The following LAMC2 variants were observed in gnomAD, a reference collection of about 807,000 sequenced individuals.
LAMC2 encodes laminin subunit gamma 2.
LAMC2 carries 97 observed loss-of-function variants against 140.2 expected under a neutral mutation model. The observed-to-expected ratio is 0.69, with a 90% CI of 0.59 to 0.82. LAMC2 has a LOEUF of 0.82. Among genes scored for constraint, LAMC2 ranks in the 40% least tolerant of loss-of-function variants. The pLI is 0.00. For missense variants in LAMC2, 1,402 were observed against 1,476.1 expected (o/e 0.95, Z 0.82); for synonymous variants, 513 against 540.2 (o/e 0.95, Z 0.70).
In LAMC2 at chr1:183,239,637, T is replaced by C. The variant is rs535452644; in HGVS notation, c.3069+74T>C. ...GGGTGGTGTGGAGGGAAAAAGAACA[T>C]TGAGCTTATTTTAACCTCTGAGGCT... On this transcript the variant is annotated intron_variant, in intron 20 of 22. Transcript: ENST00000264144. The C allele has an allele frequency of 1.0e-4, 139 of 1,328,852 alleles. No homozygotes were observed. The South Asian group carries it at 1.5e-3, about 14-fold the overall frequency. The allele number at this position is 1,328,852 out of a possible 1,614,324, so 82.3% of individuals were successfully genotyped here.
chr1:183,218,526 G>A (rs766023209), intron 4 of LAMC2, 38 bp downstream of exon 4: 1 of 1,452,656 alleles, frequency 6.9e-7, no homozygotes, highest in Non-Finnish European at 9.6e-7. Flanking sequence ...AGCAGAGAGA[G>A]TCCCTTGCCA....
chr1:183,187,777 T>A (rs914828015), intron 1 of LAMC2, among the ~76,000 whole-genome samples: 1 of 152,212 alleles, frequency 6.6e-6, no homozygotes, highest in Admixed American at 6.5e-5. Flanking sequence ...ATGGATCAAC[T>A]ACTTGGAATC....
chr1:183,253,694 A>G, the LAMC2 span, among the ~76,000 whole-genome samples: 1 of 151,908 alleles, frequency 6.6e-6, no homozygotes, highest in Non-Finnish European at 1.5e-5. Flanking sequence ...TTTGATCTAT[A>G]TCTCCCCACT....
At chr1:183,242,903 C>T (rs1660165535) in intron 22 of LAMC2, among the ~76,000 whole-genome samples, 1 of 151,514 alleles carries the variant, frequency 6.6e-6, no homozygotes, top group Non-Finnish European at 1.5e-5. Flanking sequence ...CCAGACATCA[C>T]GTTGCTGAAC....
chr1:183,208,215 G>A, intron 2 of LAMC2, 146 bp downstream of exon 2: 1 of 720,524 alleles, frequency 1.4e-6, no homozygotes, highest in Non-Finnish European at 2.4e-6. Context: ...AGAGGGAGAT[G>A]TTCAACCTCA....
chr1:183,214,051 A>AGAT (rs548680699), intron 2 of LAMC2, among the ~76,000 whole-genome samples: 3 of 151,704 alleles, frequency 2.0e-5, no homozygotes, highest in African/African-American at 7.3e-5. Context: ...AAAAAAAAAA[A>AGAT]ATACAGATTA....
At chr1:183,209,418 G>A (rs1409279052) in intron 2 of LAMC2, among the ~76,000 whole-genome samples, 1 of 152,156 alleles carries the variant, frequency 6.6e-6, no homozygotes, top group East Asian at 1.9e-4. Context: ...TGACCCTGTG[G>A]TGAGATAGGC....
In LAMC2 at chr1:183,218,502, G is replaced by A. The variant is rs372097432; in HGVS notation, c.503+14G>A. On this transcript the variant is annotated intron_variant, in intron 4 of 22. Coordinates refer to ENST00000264144, the MANE Select transcript of LAMC2 (RefSeq NM_005562.3). ...ACGCTGTGATAGGTCTGTGTGAACC[G>A]TGGCCCTACAAACAGCAGAGAGAGT... is the stretch of plus-strand genomic sequence containing the variant. 6.2e-5 allele frequency: 98 copies of A among 1,592,966 alleles called. No individual in the cohort carries two copies. The highest frequency in any genetic ancestry group is 1.7e-4 in the Middle Eastern group (1 of 6,026).
rs1346851771 is a variant in LAMC2 at position 183,208,062 on chromosome 1, C to A, written c.261C>A (p.Asn87Lys). The change falls in exon 2 of 23, where the codon AAC becomes AAA. Residue 87 changes from asparagine to lysine, a missense_variant. Asn to Lys is a moderately conservative substitution (Grantham distance 94). Coordinates refer to ENST00000264144, the MANE Select transcript of LAMC2 (RefSeq NM_005562.3). ...ERDRCLPCNC[N>K]SKGSLSARCD... ...ACCGCTGTTTGCCCTGCAATTGTAACTCCAAAGGTAGCTGAAAAGGACGGA... is the reference window on the plus strand; with the variant it reads ...ACCGCTGTTTGCCCTGCAATTGTAAATCCAAAGGTAGCTGAAAAGGACGGA... The A allele has an allele frequency of 6.2e-7, 1 of 1,613,758 alleles. No homozygotes were observed.
chr1:183,243,034 T>C lies in LAMC2; in HGVS notation c.3329-113T>C, dbSNP rs1660168188. The C allele has an allele frequency of 2.6e-6, 3 of 1,141,202 alleles. No individual in the cohort carries two copies. In the South Asian group the frequency reaches 3.9e-5, roughly 15 times the overall value. 70.7% of individuals were successfully genotyped at this position (1,141,202 alleles called of 1,614,324 possible). Reference sequence around the variant, plus strand: ...GCTTTAAAATTCATGGTATACTATTTGCTCTAGGCAAGTGGAAATGGGAAT... The same window carrying C: ...GCTTTAAAATTCATGGTATACTATTCGCTCTAGGCAAGTGGAAATGGGAAT... On this transcript the variant is annotated intron_variant, in intron 22 of 22. Coordinates refer to ENST00000264144, the MANE Select transcript of LAMC2 (RefSeq NM_005562.3).
At chr1:183,224,673 T>TACACACACACACACAC (rs3064952) in intron 7 of LAMC2, among the ~76,000 whole-genome samples, 1 of 147,888 alleles carries the variant, frequency 6.8e-6, no homozygotes, top group African/African-American at 2.5e-5. Flanking sequence ...GTTCTAATGA[T>TACACACACACACACAC]ACACACACAC....
In LAMC2 at chr1:183,240,176, C is replaced by T. The variant is rs139043074; in HGVS notation, c.3206C>T (p.Thr1069Met). The change falls in exon 21 of 23, where the codon ACG (threonine) becomes ATG (methionine). Residue 1069 changes from threonine (T) to methionine (M), a missense_variant. Physicochemically the swap from Thr to Met is moderately conservative, Grantham distance 81 (BLOSUM62 -1). Coordinates refer to ENST00000264144, the MANE Select transcript of LAMC2 (RefSeq NM_005562.3). ...ELERKELEFD[T>M]NMDAVQMVIT... ...GAAAGGAAGGAGCTGGAGTTTGACA[C>T]GAATATGGATGCAGTACAGATGGTG... 1.3e-3 allele frequency: 2,036 copies of T among 1,614,172 alleles called. 8 individuals are homozygous for T. The highest frequency in any genetic ancestry group is 8.7e-3 in the South Asian group (793 of 91,090).
chr1:183,225,347 A>G (rs1192485383), intron 7 of LAMC2, among the ~76,000 whole-genome samples: 2 of 152,140 alleles, frequency 1.3e-5, no homozygotes, highest in Middle Eastern at 3.2e-3. Flanking sequence ...TGCGATCATC[A>G]TGGTTTCAGG....
intron 5 of LAMC2, among the ~76,000 whole-genome samples, chr1:183,221,751 A>G (rs1322177675): frequency 2.6e-5 from 4 of 151,652 alleles, no homozygotes; most frequent in Non-Finnish European, 5.9e-5. Context: ...AATGAAAAAA[A>G]AATGAAAAGA....
At chr1:183,218,361 T>C in intron 3 of LAMC2, 29 bp from the exon 4 acceptor site, 2 of 1,527,574 alleles carry the variant, frequency 1.3e-6, no homozygotes, top group Non-Finnish European at 1.8e-6. Context: ...TGGAAGCATG[T>C]CCCTAATTTT....
chr1:183,210,279 C>G (rs1659032090), intron 2 of LAMC2, among the ~76,000 whole-genome samples: 1 of 152,110 alleles, frequency 6.6e-6, no homozygotes, highest in Non-Finnish European at 1.5e-5. Context: ...TGGACACAAC[C>G]ACCATCATCA....
At position 183,240,306 on chromosome 1, in the gene LAMC2, C is replaced by G. The variant is rs1248729226; in HGVS notation, c.3243C>G (p.Ala1081=). 6.2e-7 allele frequency: 1 copy of G among 1,614,108 alleles called. No individual in the cohort carries two copies. The highest frequency in any genetic ancestry group is 8.5e-7 in the Non-Finnish European group (1 of 1,180,022). Residue 1081 remains alanine (A), a synonymous_variant, in exon 22 of 23, where the codon GCC becomes GCG. Transcript: ENST00000264144. ...TTTGTCCTCAGGTGATTACAGAAGC[C>G]CAGAAGGTTGATACCAGAGCCAAGA... ...MDAVQMVITE[A]QKVDTRAKNA...
intron 4 of LAMC2, among the ~76,000 whole-genome samples, chr1:183,219,803 AC>A (rs1387077175): frequency 6.6e-6 from 1 of 152,198 alleles, no homozygotes. Flanking sequence ...GTGATACTGT[AC>A]TCAGAACATT....
intron 3 of LAMC2, among the ~76,000 whole-genome samples, chr1:183,217,072 G>T (rs1023988777): frequency 1.3e-5 from 2 of 152,188 alleles, no homozygotes; most frequent in Non-Finnish European, 2.9e-5. Context: ...AGAAATTCCA[G>T]CCATAAGCAT....
Sources: allele counts gnomAD v4.1 joint callset (sites outside exome capture counted in the v4.1 genomes callset), GRCh38; gene constraint gnomAD v4.1.1; transcripts MANE v1.5; gene names NCBI Gene and HGNC (gene_info 2026-07-23, HGNC 2026-07-21).